CCDC7: variants seen among roughly 807,000 people sequenced by gnomAD.
CCDC7 encodes coiled-coil domain containing 7.
A neutral mutation model predicts 196.9 loss-of-function variants in CCDC7; 183 were observed. That is an observed-to-expected ratio of 0.93 (90% CI 0.82 to 1.05). The LOEUF is 1.05. Among genes scored for constraint, CCDC7 ranks in the 50% least tolerant of loss-of-function variants. The pLI is 0.00. For missense variants in CCDC7, 1,540 were observed against 1,482.2 expected (o/e 1.04, Z -0.64); for synonymous variants, 525 against 484.6 (o/e 1.08, Z -1.10).
At chr10:32,793,055 A>G (rs1259338863) in intron 29 of CCDC7, among the ~76,000 whole-genome samples, 1 of 152,190 alleles carries the variant, frequency 6.6e-6, no homozygotes, top group Non-Finnish European at 1.5e-5. Flanking sequence ...GGCTGAGTAG[A>G]TTTTTAAAAA....
chr10:32,614,573 A>G (rs1232241371), intron 18 of CCDC7, among the ~76,000 whole-genome samples: 2 of 152,110 alleles, frequency 1.3e-5, no homozygotes, highest in Non-Finnish European at 2.9e-5. Context: ...CATATATTTC[A>G]TAGTGGTGAA....
chr10:32,576,345 AATG>A (rs1564709839), intron 16 of CCDC7, among the ~76,000 whole-genome samples: 2 of 151,890 alleles, frequency 1.3e-5, no homozygotes, highest in African/African-American at 2.4e-5. Context: ...TTCCTCTTGA[AATG>A]ATATTTTTCT....
chr10:32,837,249 C>T lies in CCDC7; in HGVS notation c.3352+2351C>T, dbSNP rs970342901. Among the ~76,000 whole-genome samples, 6 of 152,216 alleles carry T rather than the reference C, an allele frequency of 3.9e-5. No homozygotes were observed. In the East Asian group the frequency reaches 5.8e-4, roughly 15 times the overall value. On this transcript the variant is annotated intron_variant, in intron 33 of 41. Transcript: ENST00000639629. Reference sequence around the variant, plus strand: ...ACAAGAAAAAAACAAACAGCCCCATCGAAAAGTGGGCGAAGGATGTGAACA... The same window carrying T: ...ACAAGAAAAAAACAAACAGCCCCATTGAAAAGTGGGCGAAGGATGTGAACA...
intron 28 of CCDC7, among the ~76,000 whole-genome samples, chr10:32,747,428 C>A (rs143515750): frequency 6.6e-5 from 10 of 152,062 alleles, no homozygotes; most frequent in African/African-American, 2.4e-4. Flanking sequence ...AGTAAAGAGA[C>A]GACCTATAGA....
At chr10:32,611,554 G>T (rs2062135921) in intron 18 of CCDC7, among the ~76,000 whole-genome samples, 2 of 152,240 alleles carry the variant, frequency 1.3e-5, no homozygotes, top group Non-Finnish European at 2.9e-5. Flanking sequence ...ATGGTTTTAG[G>T]TCTTACATTT....
chr10:32,640,112 C>T (rs1041230364), intron 20 of CCDC7, among the ~76,000 whole-genome samples: 1 of 152,206 alleles, frequency 6.6e-6, no homozygotes, highest in Non-Finnish European at 1.5e-5. Context: ...CTTTCTGTCT[C>T]GTCGATCTGT....
In CCDC7 at chr10:32,461,705, GTGTGTATATATATATA is replaced by G. The variant is rs1462295949; in HGVS notation, c.457-976_457-961del. On this transcript the variant is annotated intron_variant, in intron 3 of 41. Coordinates refer to ENST00000639629, the Ensembl canonical transcript of CCDC7. ...TCCTTACATATATGTGTGTGTGTGT[GTGTGTATATATATATA>G]TATATATATGTATATATATATATAT... 1.4e-4 allele frequency among the ~76,000 whole-genome samples: 5 copies of G among 36,164 alleles called. No homozygotes were observed. In the South Asian group the frequency reaches 3.0e-3, roughly 22 times the overall value. 23.7% of individuals were successfully genotyped at this position (36,164 alleles called of 152,430 possible). A position where few individuals can be genotyped will look rare whatever the true frequency, so the allele number is the denominator to read the frequency against.
At chr10:32,578,296 C>T (rs1392937932) in intron 16 of CCDC7, among the ~76,000 whole-genome samples, 6 of 151,940 alleles carry the variant, frequency 3.9e-5, no homozygotes, top group African/African-American at 1.5e-4. Flanking sequence ...TTTTTAGCAC[C>T]AGGGACCAGT....
chr10:32,835,199 G>A (rs2092507757), intron 33 of CCDC7, among the ~76,000 whole-genome samples: 1 of 152,032 alleles, frequency 6.6e-6, no homozygotes, highest in South Asian at 2.1e-4. Flanking sequence ...CTGAGTTCAG[G>A]TCCTGAATAT....
intron 13 of CCDC7, among the ~76,000 whole-genome samples, chr10:32,562,211 C>A (rs1181046780): frequency 6.6e-6 from 1 of 152,168 alleles, no homozygotes; most frequent in Non-Finnish European, 1.5e-5. Context: ...CAGCCGAATT[C>A]TACCAGAGGT....
chr10:32,703,790 C>T (rs1179671402), intron 24 of CCDC7, among the ~76,000 whole-genome samples: 2 of 152,130 alleles, frequency 1.3e-5, no homozygotes, highest in Non-Finnish European at 2.9e-5. Flanking sequence ...GATACCCTTT[C>T]TTCCAGTTGA....
At chr10:32,755,696 TCTC>T (rs1313257331) in intron 28 of CCDC7, among the ~76,000 whole-genome samples, 4 of 151,982 alleles carry the variant, frequency 2.6e-5, no homozygotes, top group African/African-American at 9.7e-5. Context: ...GACTGCCTCT[TCTC>T]CTCCAAAGGA....
chr10:32,551,882 G>A (rs558770745), intron 13 of CCDC7, among the ~76,000 whole-genome samples: 15 of 152,242 alleles, frequency 9.9e-5, no homozygotes, highest in Non-Finnish European at 1.5e-4. Context: ...GTGGTTGTTG[G>A]ATGAAATGTT....
intron 40 of CCDC7, among the ~76,000 whole-genome samples, chr10:32,852,579 T>TTC (rs2093604952): frequency 6.6e-6 from 1 of 152,134 alleles, no homozygotes; most frequent in African/African-American, 2.4e-5. Flanking sequence ...ACCTTCTGGG[T>TTC]TCTCCTGCCT....
chr10:32,854,403 A>G, exon 41 of CCDC7: 1 of 1,589,346 alleles, frequency 6.3e-7, no homozygotes, highest in Non-Finnish European at 8.6e-7. Flanking sequence ...TTTTTAGGGC[A>G]TTCGAAAGTT....
intron 25 of CCDC7, among the ~76,000 whole-genome samples, chr10:32,724,291 T>C (rs1420874963): frequency 1.3e-5 from 2 of 152,198 alleles, no homozygotes; most frequent in East Asian, 3.9e-4. Context: ...AAAATTTCCA[T>C]GGGATCCTCG....
At chr10:32,476,894 A>T (rs74668590) in intron 8 of CCDC7, among the ~76,000 whole-genome samples, 4,366 of 152,246 alleles carry the variant, frequency 0.029, 226 homozygotes, top group African/African-American at 0.099. Context: ...CATTTTAAAA[A>T]TTGGGTTATT....
At chr10:32,786,207 T>C (rs542137221) in intron 29 of CCDC7, among the ~76,000 whole-genome samples, 4 of 152,322 alleles carry the variant, frequency 2.6e-5, no homozygotes, top group African/African-American at 9.6e-5. Context: ...GTAAATTTTT[T>C]GTAAAAATGA....
intron 8 of CCDC7, among the ~76,000 whole-genome samples, chr10:32,477,083 A>C (rs1206363993): frequency 2.0e-5 from 3 of 152,018 alleles, no homozygotes; most frequent in South Asian, 4.1e-4. Context: ...TATTTCACGA[A>C]TTGTGCTTTA....
Sources: gnomAD v4.1 joint callset for allele counts (sites outside exome capture counted in the v4.1 genomes callset) on GRCh38, gnomAD v4.1.1 for gene constraint, MANE v1.5 for transcripts, NCBI Gene and HGNC (gene_info 2026-07-23, HGNC 2026-07-21) for gene names.